Variants in AGMO observed in about 807,000 individuals in gnomAD.
AGMO encodes the protein glyceryl-ether monooxygenase.
Under a neutral mutation model 60.2 loss-of-function variants are expected in AGMO, and 75 were observed. That is an observed-to-expected ratio of 1.25 (90% CI 1.03 to 1.51). AGMO has a LOEUF of 1.51. Ranked by LOEUF, AGMO falls within the 40% of genes most tolerant of loss-of-function variation. The pLI, the probability that AGMO is intolerant of heterozygous loss-of-function variation, is 0.00. For missense variants in AGMO, 763 were observed against 525.5 expected, an observed-to-expected ratio of 1.45 and a Z score of -4.42; for synonymous variants, 261 against 177.1, an observed-to-expected ratio of 1.47 and a Z score of -3.76.
At chr7:15,237,710 A>C (rs899488186) in intron 12 of AGMO, among the ~76,000 whole-genome samples, 1 of 152,136 alleles carries the variant, frequency 6.6e-6, no homozygotes, top group Admixed American at 6.6e-5. Flanking sequence ...ACACAAATAC[A>C]CAAATACTGA....
Position 15,377,256 on chromosome 7 carries a change from A to G in AGMO, c.1074+8190T>C, listed in dbSNP as rs549302005. ...CAAAGAAAAACACATGTGGGAAACA[A>G]GCAAATACAACTTTCAAAATTAATT... On this transcript the variant is annotated intron_variant, in intron 10 of 12. Transcript: ENST00000342526. Among the ~76,000 whole-genome samples, 4 of 152,244 alleles carry G rather than the reference A, an allele frequency of 2.6e-5. No homozygotes were observed. In the East Asian group the frequency reaches 5.8e-4, roughly 22 times the overall value.
chr7:15,391,666 C>T (rs960163995), intron 6 of AGMO, among the ~76,000 whole-genome samples: 3 of 152,016 alleles, frequency 2.0e-5, no homozygotes, highest in Admixed American at 6.5e-5. Flanking sequence ...TGCACAAATA[C>T]AAAGAAAAAT....
intron 12 of AGMO, among the ~76,000 whole-genome samples, chr7:15,328,075 C>A (rs1781399458): frequency 6.6e-6 from 1 of 151,832 alleles, no homozygotes; most frequent in South Asian, 2.1e-4. Flanking sequence ...TGTGCCTGGT[C>A]AATACACTGA....
At chr7:15,329,687 T>C (rs1362114144) in intron 12 of AGMO, among the ~76,000 whole-genome samples, 1 of 152,230 alleles carries the variant, frequency 6.6e-6, no homozygotes, top group Non-Finnish European at 1.5e-5. Context: ...TTATTATGTT[T>C]AATCCTCTCA....
chr7:15,478,316 C>G (rs1456821180), intron 3 of AGMO, among the ~76,000 whole-genome samples: 1 of 152,066 alleles, frequency 6.6e-6, no homozygotes, highest in Non-Finnish European at 1.5e-5. Flanking sequence ...ACTTGTTTGT[C>G]TATGAAACTA....
intron 12 of AGMO, among the ~76,000 whole-genome samples, chr7:15,250,151 T>C (rs764892337): frequency 6.6e-6 from 1 of 152,176 alleles, no homozygotes; most frequent in African/African-American, 2.4e-5. Context: ...AAATTTCATA[T>C]TGTTGGCTGA....
chr7:15,543,032 G>C (rs2115277011), intron 3 of AGMO, among the ~76,000 whole-genome samples: 2 of 152,158 alleles, frequency 1.3e-5, no homozygotes, highest in South Asian at 4.2e-4. Context: ...GCTTGGGAAG[G>C]ATATTTGGTC....
intron 3 of AGMO, among the ~76,000 whole-genome samples, chr7:15,527,400 T>G (rs1262976373): frequency 6.6e-6 from 1 of 152,184 alleles, no homozygotes; most frequent in Non-Finnish European, 1.5e-5. Context: ...GGCCAAAGCC[T>G]AATCCAGAGC....
At chr7:15,458,077 A>AT (rs1782044530) in intron 3 of AGMO, among the ~76,000 whole-genome samples, 1 of 152,104 alleles carries the variant, frequency 6.6e-6, no homozygotes, top group Non-Finnish European at 1.5e-5. Context: ...CAAAGTAGCT[A>AT]TTTTTTCTGC....
intron 3 of AGMO, among the ~76,000 whole-genome samples, chr7:15,468,626 A>C (rs1009016707): frequency 6.6e-6 from 1 of 152,150 alleles, no homozygotes; most frequent in African/African-American, 2.4e-5. Flanking sequence ...AATTCAGATT[A>C]TCTTCAAAGT....
intron 12 of AGMO, among the ~76,000 whole-genome samples, chr7:15,236,699 C>T (rs1238030761): frequency 6.6e-6 from 1 of 151,992 alleles, no homozygotes; most frequent in East Asian, 1.9e-4. Context: ...TTTAAAGATG[C>T]AGATTAGGGT....
intron 2 of AGMO, among the ~76,000 whole-genome samples, chr7:15,547,654 C>T (rs578039929): frequency 1.4e-4 from 21 of 152,006 alleles, no homozygotes; most frequent in African/African-American, 2.7e-4. Flanking sequence ...GCACCTGGCT[C>T]GGAGGGTCCT....
intron 5 of AGMO, among the ~76,000 whole-genome samples, chr7:15,415,601 A>C (rs1780743225): frequency 6.6e-6 from 1 of 152,092 alleles, no homozygotes; most frequent in Non-Finnish European, 1.5e-5. Context: ...GAATTAAGTT[A>C]TTTATCTGCT....
At chr7:15,482,264 C>T (rs1322178118) in intron 3 of AGMO, among the ~76,000 whole-genome samples, 1 of 151,786 alleles carries the variant, frequency 6.6e-6, no homozygotes, top group Non-Finnish European at 1.5e-5. Flanking sequence ...GCACCACTAA[C>T]AAGGCTGTCT....
At chr7:15,379,181 G>A (rs1411793333) in intron 10 of AGMO, among the ~76,000 whole-genome samples, 1 of 151,912 alleles carries the variant, frequency 6.6e-6, no homozygotes, top group Non-Finnish European at 1.5e-5. Context: ...AACATCTCAA[G>A]TTCACAACCT....
At chr7:15,409,043 C>T (rs932003898) in intron 5 of AGMO, among the ~76,000 whole-genome samples, 1 of 151,704 alleles carries the variant, frequency 6.6e-6, no homozygotes, top group Admixed American at 6.6e-5. Flanking sequence ...TATTGAGCTG[C>T]ACAGTATGGA....
At chr7:15,497,710 T>C (rs1342249729) in intron 3 of AGMO, among the ~76,000 whole-genome samples, 1 of 152,088 alleles carries the variant, frequency 6.6e-6, no homozygotes, top group African/African-American at 2.4e-5. Context: ...TATTGCAATT[T>C]AACAGAAGGA....
intron 12 of AGMO, among the ~76,000 whole-genome samples, chr7:15,228,117 T>A (rs1414464165): frequency 1.3e-5 from 2 of 152,116 alleles, no homozygotes; most frequent in Non-Finnish European, 2.9e-5. Flanking sequence ...ACACTCCTAT[T>A]GTTTGGAATA....
chr7:15,558,858 C>G (rs1053586836), intron 2 of AGMO, among the ~76,000 whole-genome samples: 1 of 151,944 alleles, frequency 6.6e-6, no homozygotes. Flanking sequence ...TCCACCTTAG[C>G]TTCCCACTGG....
Sources: gnomAD v4.1 joint callset for allele counts (sites outside exome capture counted in the v4.1 genomes callset) on GRCh38, gnomAD v4.1.1 for gene constraint, MANE v1.5 for transcripts, NCBI Gene and HGNC (gene_info 2026-07-23, HGNC 2026-07-21) for gene names.